RIMS2: variants seen among roughly 807,000 people sequenced by gnomAD.
RIMS2 encodes regulating synaptic membrane exocytosis protein 2.
RIMS2 carries 59 observed loss-of-function variants against 174.4 expected under a neutral mutation model. The observed-to-expected ratio is 0.34, with a 90% CI of 0.27 to 0.42. The LOEUF is 0.42. Ranked by LOEUF, RIMS2 falls within the 10% of genes least tolerant of loss-of-function variation. The pLI is 1.00. For synonymous variants in RIMS2, 606 were observed against 572.5 expected (o/e 1.06, Z -0.84); for missense variants, 1,620 against 1,666.3 (o/e 0.97, Z 0.48).
At chr8:103,703,139 C>T (rs1377581118) in intron 2 of RIMS2, among the ~76,000 whole-genome samples, 1 of 151,602 alleles carries the variant, frequency 6.6e-6, no homozygotes, top group Non-Finnish European at 1.5e-5. Context: ...CATCACCATA[C>T]CTGGCTAATT....
chr8:103,549,431 G>C (rs1846615659), intron 1 of RIMS2, among the ~76,000 whole-genome samples: 1 of 152,264 alleles, frequency 6.6e-6, no homozygotes, highest in South Asian at 2.1e-4. Context: ...GAGAGATTTT[G>C]TCAACACCAG....
chr8:103,857,080 A>G (rs1452524157), intron 3 of RIMS2, among the ~76,000 whole-genome samples: 1 of 152,138 alleles, frequency 6.6e-6, no homozygotes, highest in Non-Finnish European at 1.5e-5. Flanking sequence ...CAAATCTGCA[A>G]CCTGTCTTCT....
intron 11 of RIMS2, chr8:103,927,961 TTAG>T (rs2079102099): frequency 7.9e-7 from 1 of 1,271,308 alleles, no homozygotes; most frequent in Non-Finnish European, 1.1e-6. Flanking sequence ...GGAAAATGCG[TTAG>T]TAGGAAAACT....
chr8:103,567,960 T>C (rs1482965305), intron 1 of RIMS2, among the ~76,000 whole-genome samples: 1 of 152,154 alleles, frequency 6.6e-6, no homozygotes, highest in East Asian at 1.9e-4. Context: ...TATATTTTAT[T>C]TGAAGAAATA....
At chr8:103,714,762 A>T (rs76868505) in intron 2 of RIMS2, among the ~76,000 whole-genome samples, 4 of 152,272 alleles carry the variant, frequency 2.6e-5, no homozygotes, top group African/African-American at 9.6e-5. Flanking sequence ...TAGATTTGGG[A>T]GTAATACTTA....
intron 1 of RIMS2, among the ~76,000 whole-genome samples, chr8:103,554,128 C>G (rs899994357): frequency 1.3e-5 from 2 of 152,048 alleles, no homozygotes; most frequent in Non-Finnish European, 2.9e-5. Flanking sequence ...CCATTCTGGA[C>G]ATAGGCCCTG....
At chr8:104,177,843 A>G (rs1002791155) in intron 19 of RIMS2, among the ~76,000 whole-genome samples, 7 of 152,168 alleles carry the variant, frequency 4.6e-5, no homozygotes, top group African/African-American at 1.7e-4. Flanking sequence ...ACATTTGCTA[A>G]TTATATAACC....
intron 19 of RIMS2, among the ~76,000 whole-genome samples, chr8:104,075,097 G>A (rs546819181): frequency 2.0e-5 from 3 of 151,318 alleles, no homozygotes; most frequent in Non-Finnish European, 3.0e-5. Context: ...GCTGCTGTTA[G>A]TATGTAACTC....
intron 1 of RIMS2, among the ~76,000 whole-genome samples, chr8:103,566,230 C>T (rs1563805262): frequency 1.3e-5 from 2 of 152,074 alleles, no homozygotes; most frequent in Non-Finnish European, 1.5e-5. Flanking sequence ...CTTATTGGCT[C>T]CTCCCCCTTC....
At chr8:103,954,718 C>G (rs2086584453) in intron 14 of RIMS2, among the ~76,000 whole-genome samples, 1 of 148,006 alleles carries the variant, frequency 6.8e-6, no homozygotes, top group African/African-American at 2.4e-5. Context: ...CAAACAAATC[C>G]AAAAGCTAGC....
intron 3 of RIMS2, among the ~76,000 whole-genome samples, chr8:103,874,248 A>C (rs562470189): frequency 5.9e-5 from 9 of 152,090 alleles, no homozygotes; most frequent in African/African-American, 2.2e-4. Flanking sequence ...CTTAAGAGGC[A>C]CTGTGATTGG....
At chr8:103,792,440 A>G (rs553642211) in intron 3 of RIMS2, among the ~76,000 whole-genome samples, 81 of 152,302 alleles carry the variant, frequency 5.3e-4, no homozygotes, top group African/African-American at 1.9e-3. Flanking sequence ...AGGGAAATTT[A>G]TAGCACTAAA....
chr8:103,834,690 TTCTTTCTTTCTTTC>T (rs1316119657), intron 3 of RIMS2, among the ~76,000 whole-genome samples: 4 of 63,216 alleles, frequency 6.3e-5, no homozygotes, highest in African/African-American at 3.0e-4. Flanking sequence ...CTTTCTTTCT[TTCTTTCTTTCTTTC>T]TTTCTTTCTT....
chr8:103,834,470 G>A (rs1389872956), intron 3 of RIMS2, among the ~76,000 whole-genome samples: 2 of 151,322 alleles, frequency 1.3e-5, no homozygotes, highest in African/African-American at 4.8e-5. Context: ...CCAAAGTACT[G>A]GGATTGTAGG....
At chr8:104,245,581 C>G (rs1212697216) in intron 20 of RIMS2, among the ~76,000 whole-genome samples, 3 of 152,168 alleles carry the variant, frequency 2.0e-5, no homozygotes, top group African/African-American at 7.2e-5. Context: ...AAGTAGCTTT[C>G]CTTTGAATCA....
At chr8:103,504,095 A>G (rs1822054934) in intron 1 of RIMS2, among the ~76,000 whole-genome samples, 1 of 152,128 alleles carries the variant, frequency 6.6e-6, no homozygotes, top group Admixed American at 6.5e-5. Context: ...GAATCCTTTC[A>G]TGTATTGCTG....
intron 17 of RIMS2, among the ~76,000 whole-genome samples, chr8:103,995,901 G>GAA (rs530960014): frequency 1.3e-5 from 2 of 152,002 alleles, no homozygotes; most frequent in South Asian, 4.1e-4. Flanking sequence ...TTAGGCATCA[G>GAA]AATAAGCAAG....
chr8:104,243,902 T>G (rs538926275), intron 19 of RIMS2, among the ~76,000 whole-genome samples: 1 of 152,322 alleles, frequency 6.6e-6, no homozygotes, highest in Non-Finnish European at 1.5e-5. Context: ...GGCTCAGTTT[T>G]TTGTGGAACC....
chr8:103,939,658 C>A (rs570317338), intron 13 of RIMS2, among the ~76,000 whole-genome samples: 73 of 152,310 alleles, frequency 4.8e-4, no homozygotes, highest in African/African-American at 1.8e-3. Context: ...TCTTTTCTAT[C>A]GCATTGTCAG....
Sources: gnomAD v4.1 joint callset for allele counts (sites outside exome capture counted in the v4.1 genomes callset) on GRCh38, gnomAD v4.1.1 for gene constraint, MANE v1.5 for transcripts, NCBI Gene and HGNC (gene_info 2026-07-23, HGNC 2026-07-21) for gene names.